The following UGT2B17 variants were observed in gnomAD, a reference collection of about 807,000 sequenced individuals.
The protein encoded by UGT2B17 is UDP-glucuronosyltransferase 2B17.
A neutral mutation model predicts 48.2 loss-of-function variants in UGT2B17; 21 were observed. The ratio of observed to expected loss-of-function variants is 0.44; its 90% CI spans 0.31 to 0.63. UGT2B17 has a LOEUF of 0.63. Ranked by LOEUF, UGT2B17 falls within the 20% of genes least tolerant of loss-of-function variation. The pLI is 0.08. For synonymous variants in UGT2B17, 146 were observed against 238.4 expected (o/e 0.61, Z 3.57); for missense variants, 402 against 696.1 (o/e 0.58, Z 4.75).
chr4:68,557,265 A>G lies in UGT2B17; in HGVS notation c.1005+3272T>C, dbSNP rs189822642. 3.2e-5 allele frequency among the ~76,000 whole-genome samples: 4 copies of G among 125,256 alleles called. 2 individuals are homozygous for G. Among genetic ancestry groups the G allele is most frequent in the African/African-American group, 1.1e-4 (4 of 36,900 alleles). 82.2% of individuals were successfully genotyped at this position (125,256 alleles called of 152,430 possible). A position where few individuals can be genotyped will look rare whatever the true frequency, so the allele number is the denominator to read the frequency against. ...TAAAACTTTTTGTCATCCACAGACA[A>G]TTGTTGTCTGACTTTGGTCCTCTTT... On this transcript the variant is annotated intron_variant, in intron 4 of 6. Coordinates refer to ENST00000317746, the MANE Select transcript of UGT2B17 (RefSeq NM_001077.4).
rs758386536 is a variant in UGT2B17 at position 68,541,978 on chromosome 4, C to T, written c.1314-4074G>A. 1.6e-5 allele frequency among the ~76,000 whole-genome samples: 2 copies of T among 125,666 alleles called. 1 individual carries two copies. Among genetic ancestry groups the T allele is most frequent in the African/African-American group, 5.4e-5 (2 of 36,712 alleles). The allele number at this position is 125,666 out of a possible 152,430, so 82.4% of individuals were successfully genotyped here. On this transcript the variant is annotated intron_variant, in intron 6 of 6. Coordinates refer to ENST00000317746, the MANE Select transcript of UGT2B17 (RefSeq NM_001077.4). Reference sequence around the variant, plus strand: ...TAGATGTGTGGTGTTATTTCTGAGGCCTCTGTTCTGTTCCATTGGTCTATA... The same window carrying T: ...TAGATGTGTGGTGTTATTTCTGAGGTCTCTGTTCTGTTCCATTGGTCTATA...
At position 68,553,694 on chromosome 4, in the gene UGT2B17, A is replaced by T. The variant is rs1162545657; in HGVS notation, c.1006-1783T>A. Among the ~76,000 whole-genome samples the T allele has an allele frequency of 6.4e-5, 8 of 125,272 alleles. 2 individuals carry two copies. Among genetic ancestry groups the T allele is most frequent in the Non-Finnish European group, 1.4e-4 (8 of 59,178 alleles). The allele number at this position is 125,272 out of a possible 152,430, so 82.2% of individuals were successfully genotyped here. ...GTACAGTTTACTGGAAGTAGTATTG[A>T]CTGTTGTTATTTTTTTCCTCCTAGG... On this transcript the variant is annotated intron_variant, in intron 4 of 6. Coordinates refer to ENST00000317746, the MANE Select transcript of UGT2B17 (RefSeq NM_001077.4).
intron 4 of UGT2B17, among the ~76,000 whole-genome samples, chr4:68,553,915 A>G (rs1331899860): frequency 8.1e-6 from 1 of 123,302 alleles, no homozygotes; most frequent in Non-Finnish European, 1.7e-5. Flanking sequence ...TGCTCCTCCC[A>G]GGCAAAAGGC....
chr4:68,559,380 G>T lies in UGT2B17; in HGVS notation c.1005+1157C>A, dbSNP rs1302109968. ...TAACAATACAGATGCTGAGAATGTA[G>T]AAAATTGTATTTTGCTACTTTTTGC... On this transcript the variant is annotated intron_variant, in intron 4 of 6. Transcript: ENST00000317746. 2.8e-4 allele frequency among the ~76,000 whole-genome samples: 35 copies of T among 126,228 alleles called. 8 individuals are homozygous for T. Among genetic ancestry groups the T allele is most frequent in the African/African-American group, 8.9e-4 (33 of 37,050 alleles). 82.8% of individuals were successfully genotyped at this position (126,228 alleles called of 152,430 possible). A position where few individuals can be genotyped will look rare whatever the true frequency, so the allele number is the denominator to read the frequency against.
intron 1 of UGT2B17, among the ~76,000 whole-genome samples, chr4:68,573,721 C>G (rs1297258474): frequency 7.9e-6 from 1 of 126,372 alleles, no homozygotes; most frequent in African/African-American, 2.7e-5. Flanking sequence ...AAAGGTCCAC[C>G]ACAATACTAC....
chr4:68,538,246 T>C lies in UGT2B17; in HGVS notation c.1314-342A>G, dbSNP rs113544627. The stretch of plus-strand genomic sequence containing the variant: ...GATCATTTTGATATTTTTAGTTTTT[T>C]TTTTTTTTGAGACAGGCTTTTGCTC... On this transcript the variant is annotated intron_variant, in intron 6 of 6. Coordinates refer to ENST00000317746, the MANE Select transcript of UGT2B17 (RefSeq NM_001077.4). Among the ~76,000 whole-genome samples the C allele has an allele frequency of 6.6e-4, 5 of 7,608 alleles. 1 individual carries two copies. Among genetic ancestry groups the C allele is most frequent in the African/African-American group, 8.5e-4 (5 of 5,876 alleles). 5.0% of individuals were successfully genotyped at this position (7,608 alleles called of 152,430 possible). A position where few individuals can be genotyped will look rare whatever the true frequency, so the allele number is the denominator to read the frequency against.
rs778599442 is a variant in UGT2B17, at chr4:68,572,356, T to C, written c.-65+3595A>G. On this transcript the variant is annotated intron_variant, in intron 1 of 6. Coordinates refer to ENST00000317746, the MANE Select transcript of UGT2B17 (RefSeq NM_001077.4). ...CTTAATTTTATTTTAAAAACTGTGA[T>C]CATGGGAGGCTTAAAATTGTTCATA... is the stretch of plus-strand genomic sequence containing the variant. Among the ~76,000 whole-genome samples, 3 of 126,748 alleles carry C rather than the reference T, an allele frequency of 2.4e-5. 1 individual carries two copies. The highest frequency in any genetic ancestry group is 5.0e-5 in the Non-Finnish European group (3 of 59,764). 83.2% of individuals were successfully genotyped at this position (126,748 alleles called of 152,430 possible). A position where few individuals can be genotyped will look rare whatever the true frequency, so the allele number is the denominator to read the frequency against.
intron 4 of UGT2B17, among the ~76,000 whole-genome samples, chr4:68,555,803 C>CT (rs1730989579): frequency 8.1e-6 from 1 of 123,058 alleles, no homozygotes; most frequent in Non-Finnish European, 1.7e-5. Flanking sequence ...AAAAGTGCAT[C>CT]TTTTTTAAAA....
chr4:68,537,367 G>T lies in UGT2B17; in HGVS notation c.*258C>A. 4.4e-6 allele frequency: 1 copy of T among 229,410 alleles called. No homozygotes were observed. The highest frequency in any genetic ancestry group is 6.1e-5 in the Admixed American group (1 of 16,326). The allele number at this position is 229,410 out of a possible 1,614,324, so 14.2% of individuals were successfully genotyped here. A position where few individuals can be genotyped will look rare whatever the true frequency, so the allele number is the denominator to read the frequency against. ...GTAACTTTTGTGTGGGGTAACTTTTGGATTAGAATAATAAATTTCAATATA... is the reference window on the plus strand; with the variant it reads ...GTAACTTTTGTGTGGGGTAACTTTTTGATTAGAATAATAAATTTCAATATA... On this transcript the variant is annotated 3_prime_UTR_variant, in exon 7 of 7. Coordinates refer to ENST00000317746, the MANE Select transcript of UGT2B17 (RefSeq NM_001077.4).
chr4:68,575,441 A>C lies in UGT2B17; in HGVS notation c.-65+510T>G, dbSNP rs1174664425. Among the ~76,000 whole-genome samples, 20 of 124,748 alleles carry C rather than the reference A, an allele frequency of 1.6e-4. 5 individuals are homozygous for C. The highest frequency in any genetic ancestry group is 3.2e-4 in the Non-Finnish European group (19 of 59,244). 81.8% of individuals were successfully genotyped at this position (124,748 alleles called of 152,430 possible). On this transcript the variant is annotated intron_variant, in intron 1 of 6. Coordinates refer to ENST00000317746, the MANE Select transcript of UGT2B17 (RefSeq NM_001077.4). The stretch of plus-strand genomic sequence containing the variant: ...ATGCTGGCCAATCTATTTCACACAA[A>C]GTTCTAAGTTTTCCTGGAGTCATAG...
At chr4:68,549,322 T>C (rs1730873831) in intron 6 of UGT2B17, among the ~76,000 whole-genome samples, 1 of 99,952 alleles carries the variant, frequency 1.0e-5, no homozygotes, top group Admixed American at 1.1e-4. Context: ...AACCTTCATG[T>C]TTCAAAAGGC....
intron 5 of UGT2B17, 118 bp downstream of exon 5, chr4:68,551,706 T>A (rs2109766207): frequency 1.3e-6 from 1 of 743,626 alleles, no homozygotes; most frequent in African/African-American, 1.9e-5. Context: ...GTAGTTAAAT[T>A]TGATTTTTTT....
In UGT2B17 at chr4:68,564,292, A is replaced by ATTTT. The variant is rs1341012731; in HGVS notation, c.873+1279_873+1280insAAAA. Among the ~76,000 whole-genome samples, 6 of 84,976 alleles carry ATTTT rather than the reference A, an allele frequency of 7.1e-5. No individual in the cohort carries two copies. The South Asian group carries it at 3.6e-3, about 51-fold the overall frequency. 55.7% of individuals were successfully genotyped at this position (84,976 alleles called of 152,430 possible). ...AAATTTCATATATATATATATATAT[A>ATTTT]TATTTTTTTTTTTTGAGACAGAGTC... is the stretch of plus-strand genomic sequence containing the variant. On this transcript the variant is annotated intron_variant, in intron 3 of 6. Transcript: ENST00000317746.
intron 4 of UGT2B17, among the ~76,000 whole-genome samples, chr4:68,556,667 G>A (rs1329692209): frequency 8.0e-6 from 1 of 125,774 alleles, no homozygotes; most frequent in Non-Finnish European, 1.7e-5. Context: ...CGTTATGAAA[G>A]GCTGAGGAAA....
At position 68,537,958 on chromosome 4, in the gene UGT2B17, A is replaced by G. The variant is rs1486474924; in HGVS notation, c.1314-54T>C. The G allele has an allele frequency of 1.3e-5, 16 of 1,208,036 alleles. 2 individuals are homozygous for G. Among genetic ancestry groups the G allele is most frequent in the South Asian group, 2.5e-5 (1 of 39,912 alleles). 74.8% of individuals were successfully genotyped at this position (1,208,036 alleles called of 1,614,324 possible). On this transcript the variant is annotated intron_variant, in intron 6 of 6. Coordinates refer to ENST00000317746, the MANE Select transcript of UGT2B17 (RefSeq NM_001077.4). ...TTAAAAGTAAATTTATTGCTTAAGC[A>G]TATCAAGTCTATGGATGGTCTTTGA...
chr4:68,574,969 A>C (rs1731350321), intron 1 of UGT2B17, among the ~76,000 whole-genome samples: 1 of 114,184 alleles, frequency 8.8e-6, no homozygotes, highest in Non-Finnish European at 1.8e-5. Context: ...TTTTTTGAAG[A>C]TAACCATTCC....
At position 68,565,640 on chromosome 4, in the gene UGT2B17, G is replaced by A. The variant is rs763751564; in HGVS notation, c.805C>T (p.Arg269Cys). Residue 269 changes from arginine to cysteine, a missense_variant, in exon 3 of 7, where the codon CGC becomes TGC. Physicochemically the swap from Arg to Cys is radical, Grantham distance 180. Coordinates refer to ENST00000317746, the MANE Select transcript of UGT2B17 (RefSeq NM_001077.4). Reference protein sequence around the residue: ...IRTYWDFEFPRPFLPNVDFVG... With the variant: ...IRTYWDFEFPCPFLPNVDFVG... ...AAATCAACATTTGGTAAGAATGGGC[G>A]AGGAAATTCAAAATCCCAATAGGTT... 23 of 1,369,930 alleles carry A rather than the reference G, an allele frequency of 1.7e-5. 6 individuals carry two copies. Among genetic ancestry groups the A allele is most frequent in the South Asian group, 3.4e-5 (2 of 58,722 alleles). 84.9% of individuals were successfully genotyped at this position (1,369,930 alleles called of 1,614,324 possible). A position where few individuals can be genotyped will look rare whatever the true frequency, so the allele number is the denominator to read the frequency against.
intron 5 of UGT2B17, 41 bp downstream of exon 5, chr4:68,551,783 C>G: frequency 8.8e-7 from 1 of 1,141,870 alleles, no homozygotes; most frequent in South Asian, 2.3e-5. Flanking sequence ...TTCTAATTGG[C>G]TGTTACTAAT....
In UGT2B17 at chr4:68,537,508, A is replaced by G; in HGVS notation, c.*117T>C. The G allele has an allele frequency of 1.1e-6, 1 of 923,614 alleles. No homozygotes were observed. Among genetic ancestry groups the G allele is most frequent in the Non-Finnish European group, 1.4e-6 (1 of 704,326 alleles). 57.2% of individuals were successfully genotyped at this position (923,614 alleles called of 1,614,324 possible). ...AAATAAATTTTGACTTAACAGGGTA[A>G]GTTGTGAAAAGACGTTTTGTCGCAG... On this transcript the variant is annotated 3_prime_UTR_variant, in exon 7 of 7. Transcript: ENST00000317746.
Sources: allele counts gnomAD v4.1 joint callset (sites outside exome capture counted in the v4.1 genomes callset), GRCh38; gene constraint gnomAD v4.1.1; transcripts MANE v1.5; gene names NCBI Gene and HGNC (gene_info 2026-07-23, HGNC 2026-07-21).